NEK1: variants seen among roughly 807,000 people sequenced by gnomAD.
The protein encoded by NEK1 is serine/threonine-protein kinase Nek1.
NEK1 carries 137 observed loss-of-function variants against 182.1 expected under a neutral mutation model. The observed-to-expected ratio is 0.75, with a 90% confidence interval of 0.65 to 0.87. The LOEUF (loss-of-function observed/expected upper bound fraction) is 0.87. NEK1 is among the 40% of genes least tolerant of loss of function. NEK1 has a pLI of 0.00. For synonymous variants in NEK1, 513 were observed against 492.2 expected (o/e 1.04, Z -0.56); for missense variants, 1,391 against 1,494.4 (o/e 0.93, Z 1.14).
In NEK1 at chr4:169,393,420, A is replaced by T. The variant is rs1477330458; in HGVS notation, c.*1090T>A. ...CTGCAAGATAAGATTTTATTTTTCA[A>T]ATTACATATTATGCCAACCAGCCTG... On this transcript the variant is annotated 3_prime_UTR_variant, in exon 36 of 36. Transcript: ENST00000507142. The T allele has an allele frequency of 6.6e-6, 1 of 152,206 alleles. No individual in the cohort carries two copies. Among genetic ancestry groups the T allele is most frequent in the Non-Finnish European group, 1.5e-5 (1 of 68,024 alleles). 9.4% of individuals were successfully genotyped at this position (152,206 alleles called of 1,614,324 possible). A position where few individuals can be genotyped will look rare whatever the true frequency, so the allele number is the denominator to read the frequency against.
chr4:169,452,508 C>T (rs147182515), intron 27 of NEK1, among the ~76,000 whole-genome samples: 10,874 of 152,152 alleles, frequency 0.071, 1,270 homozygotes, highest in African/African-American at 0.25. Context: ...TCTGGTTCAA[C>T]GTACACAAAT....
At chr4:169,576,340 A>G (rs1406909217) in intron 12 of NEK1, among the ~76,000 whole-genome samples, 4 of 152,210 alleles carry the variant, frequency 2.6e-5, no homozygotes, top group Non-Finnish European at 4.4e-5. Flanking sequence ...GTATACATAC[A>G]TATCTAAGGC....
Position 169,523,428 on chromosome 4 carries a change from G to C in NEK1, c.1665+14381C>G, listed in dbSNP as rs973324889. The stretch of plus-strand genomic sequence containing the variant: ...TTGAAGACAGACTCACACACAGCAA[G>C]AACACAACATGAAGATGAAGGCAGA... On this transcript the variant is annotated intron_variant, in intron 19 of 35. Coordinates refer to ENST00000507142, the MANE Select transcript of NEK1 (RefSeq NM_001199397.3). 2.6e-5 allele frequency among the ~76,000 whole-genome samples: 4 copies of C among 152,160 alleles called. No homozygotes were observed. The South Asian group carries it at 8.3e-4, about 32-fold the overall frequency.
chr4:169,495,750 C>T (rs1751122454), intron 23 of NEK1, among the ~76,000 whole-genome samples: 1 of 152,088 alleles, frequency 6.6e-6, no homozygotes, highest in African/African-American at 2.4e-5. Context: ...CTGTTCTGTT[C>T]CATTGGTCTA....
intron 16 of NEK1, among the ~76,000 whole-genome samples, chr4:169,558,277 G>A (rs1176221790): frequency 6.6e-6 from 1 of 152,188 alleles, no homozygotes; most frequent in Non-Finnish European, 1.5e-5. Context: ...GAATACTGAT[G>A]AAATATGTTT....
intron 31 of NEK1, among the ~76,000 whole-genome samples, 151 bp from the exon 32 acceptor site, chr4:169,406,898 A>G (rs1732731970): frequency 6.6e-6 from 1 of 151,198 alleles, no homozygotes; most frequent in Admixed American, 6.6e-5. Context: ...TATATGTAAC[A>G]TATAAAAAAT....
chr4:169,596,253 T>C (rs1301809519), intron 5 of NEK1, among the ~76,000 whole-genome samples: 21 of 152,152 alleles, frequency 1.4e-4, no homozygotes, highest in Non-Finnish European at 1.5e-5. Context: ...TCTGTAACCT[T>C]AGTAGTTGTT....
chr4:169,500,850 C>T (rs1489020605), intron 23 of NEK1, among the ~76,000 whole-genome samples: 2 of 152,168 alleles, frequency 1.3e-5, no homozygotes, highest in Non-Finnish European at 2.9e-5. Context: ...AGCAACTATA[C>T]AATTGAGACT....
intron 32 of NEK1, 45 bp downstream of exon 32, chr4:169,406,551 T>C (rs376684347): frequency 2.3e-5 from 33 of 1,414,488 alleles, no homozygotes; most frequent in Middle Eastern, 2.4e-4. Context: ...TACATATAAA[T>C]TCAGAAAATC....
chr4:169,501,194 G>A lies in NEK1; in HGVS notation c.2007+5843C>T, dbSNP rs568949564. 2.0e-5 allele frequency among the ~76,000 whole-genome samples: 3 copies of A among 152,292 alleles called. No individual in the cohort carries two copies. In the South Asian group the frequency reaches 6.2e-4, roughly 32 times the overall value. The stretch of plus-strand genomic sequence containing the variant: ...AATGATAAAAGGTTCAATTAAACAA[G>A]AGGATTTAACTATCCTAAATATGTA... On this transcript the variant is annotated intron_variant, in intron 23 of 35. Coordinates refer to ENST00000507142, the MANE Select transcript of NEK1 (RefSeq NM_001199397.3).
intron 12 of NEK1, among the ~76,000 whole-genome samples, chr4:169,563,640 A>G (rs1268485684): frequency 2.0e-5 from 3 of 152,212 alleles, no homozygotes; most frequent in African/African-American, 7.2e-5. Context: ...GATGGCAATG[A>G]CAGCAAATCC....
At chr4:169,535,797 T>C (rs1458131160) in intron 19 of NEK1, among the ~76,000 whole-genome samples, 4 of 150,962 alleles carry the variant, frequency 2.6e-5, no homozygotes, top group African/African-American at 9.8e-5. Context: ...GGAGAATCAC[T>C]TGAACCCGGG....
intron 19 of NEK1, among the ~76,000 whole-genome samples, chr4:169,511,168 T>C (rs1379383715): frequency 3.3e-5 from 5 of 152,120 alleles, no homozygotes. Flanking sequence ...AGTATTACTG[T>C]AAGAGCATGC....
intron 27 of NEK1, among the ~76,000 whole-genome samples, chr4:169,443,335 T>G (rs184495487): frequency 6.6e-6 from 1 of 150,536 alleles, no homozygotes; most frequent in East Asian, 2.0e-4. Flanking sequence ...ACAAATTAAC[T>G]AACAAATAAA....
At chr4:169,408,595 C>T (rs1280331516) in intron 31 of NEK1, among the ~76,000 whole-genome samples, 2 of 152,158 alleles carry the variant, frequency 1.3e-5, no homozygotes, top group Non-Finnish European at 2.9e-5. Flanking sequence ...CTGTACCCAA[C>T]GTGCAGTCTT....
At chr4:169,583,564 G>A (rs1050880713) in intron 10 of NEK1, among the ~76,000 whole-genome samples, 1 of 151,998 alleles carries the variant, frequency 6.6e-6, no homozygotes, top group Non-Finnish European at 1.5e-5. Flanking sequence ...CACATTTTAG[G>A]CTTGAATATT....
At chr4:169,541,767 T>C (rs183386711) in intron 18 of NEK1, among the ~76,000 whole-genome samples, 3 of 152,194 alleles carry the variant, frequency 2.0e-5, no homozygotes, top group African/African-American at 4.8e-5. Flanking sequence ...CAAGTTTTCA[T>C]TGAATAAAAT....
intron 23 of NEK1, among the ~76,000 whole-genome samples, chr4:169,482,295 T>G (rs1051025486): frequency 1.3e-5 from 2 of 152,092 alleles, no homozygotes; most frequent in Non-Finnish European, 2.9e-5. Context: ...CTTTCTTTCT[T>G]TTTTTTCTAA....
At chr4:169,569,452 C>T (rs938280997) in intron 12 of NEK1, among the ~76,000 whole-genome samples, 2 of 131,932 alleles carry the variant, frequency 1.5e-5, no homozygotes, top group African/African-American at 3.4e-5. Context: ...CTCTCCCTCC[C>T]TCCCTCTCTC....
Sources: gnomAD v4.1 joint callset for allele counts (sites outside exome capture counted in the v4.1 genomes callset) on GRCh38, gnomAD v4.1.1 for gene constraint, MANE v1.5 for transcripts, NCBI Gene and HGNC (gene_info 2026-07-23, HGNC 2026-07-21) for gene names.